The following TEF variants were observed in gnomAD, a reference collection of about 807,000 sequenced individuals.
TEF encodes the protein TEF transcription factor, PAR bZIP family member.
Under a neutral mutation model 20.8 loss-of-function variants are expected in TEF, and 3 were observed. The ratio of observed to expected loss-of-function variants is 0.14; its 90% confidence interval spans 0.07 to 0.37. The LOEUF (loss-of-function observed/expected upper bound fraction) is 0.37, where lower values mean the gene tolerates loss of function less well. Among genes scored for constraint, TEF ranks in the 10% least tolerant of loss-of-function variants. The pLI is 1.00. For synonymous variants in TEF, 180 were observed against 171.1 expected, an observed-to-expected ratio of 1.05 and a Z score of -0.41; for missense variants, 296 against 397.9, an observed-to-expected ratio of 0.74 and a Z score of 2.18.
chr22:41,383,446 A>G (rs1308570699), intron 1 of TEF, among the ~76,000 whole-genome samples: 1 of 152,196 alleles, frequency 6.6e-6, no homozygotes, highest in East Asian at 1.9e-4. Context: ...AACCATCCAT[A>G]ACAAGAATTC....
upstream of TEF, among the ~76,000 whole-genome samples, chr22:41,379,347 G>T (rs1430928791): frequency 1.4e-5 from 2 of 144,892 alleles, no homozygotes; most frequent in Non-Finnish European, 3.0e-5. Flanking sequence ...TCGGAAAAAA[G>T]AAAAAAAAAA....
chr22:41,389,055 A>G (rs2037134194), intron 2 of TEF, among the ~76,000 whole-genome samples: 1 of 152,184 alleles, frequency 6.6e-6, no homozygotes, highest in Admixed American at 6.5e-5. Flanking sequence ...TTTTACATCT[A>G]AAGTTGACAA....
chr22:41,396,123 T>C lies in TEF; in HGVS notation c.*163T>C, dbSNP rs1015411806. 1.2e-5 allele frequency: 9 copies of C among 727,152 alleles called. No homozygotes were observed. The highest frequency in any genetic ancestry group is 9.6e-5 in the South Asian group (5 of 52,190). 45.0% of individuals were successfully genotyped at this position (727,152 alleles called of 1,614,324 possible). A position where few individuals can be genotyped will look rare whatever the true frequency, so the allele number is the denominator to read the frequency against. On this transcript the variant is annotated 3_prime_UTR_variant, in exon 4 of 4. Coordinates refer to ENST00000266304, the MANE Select transcript of TEF (RefSeq NM_003216.4). ...GTCTCAGCTTCATTATACCATGGCCTGCGCACGTGGCGACGTCCCTGAGGG... is the reference window on the plus strand; with the variant it reads ...GTCTCAGCTTCATTATACCATGGCCCGCGCACGTGGCGACGTCCCTGAGGG...
intron 2 of TEF, among the ~76,000 whole-genome samples, chr22:41,393,340 C>CAAAAA (rs34533572): frequency 1.6e-5 from 2 of 127,744 alleles, no homozygotes; most frequent in East Asian, 4.8e-4. Context: ...GACCCTGTCT[C>CAAAAA]AAAAAAAAAA....
At chr22:41,367,618 T>C in intron 1 of TEF, 1 of 1,550,300 alleles carries the variant, frequency 6.5e-7, no homozygotes, top group East Asian at 2.4e-5. Flanking sequence ...ACAGGTGACC[T>C]GCATTGATTG....
At chr22:41,382,748 G>A (rs901819233) in intron 1 of TEF, among the ~76,000 whole-genome samples, 1 of 151,938 alleles carries the variant, frequency 6.6e-6, no homozygotes, top group Non-Finnish European at 1.5e-5. Flanking sequence ...GGTCCAACGG[G>A]AGCCTTTCTG....
At chr22:41,384,437 T>G (rs1395148650) in intron 1 of TEF, among the ~76,000 whole-genome samples, 1 of 152,196 alleles carries the variant, frequency 6.6e-6, no homozygotes, top group Non-Finnish European at 1.5e-5. Flanking sequence ...GAGCAGTCTT[T>G]CTTCTTCAAC....
chr22:41,391,428 C>T (rs187757934), intron 2 of TEF, among the ~76,000 whole-genome samples: 80 of 151,416 alleles, frequency 5.3e-4, no homozygotes, highest in African/African-American at 1.8e-3. Context: ...CGGGTTCAAG[C>T]GAGTCTCCTG....
chr22:41,370,068 T>C (rs2036863595), intron 1 of TEF: 17 of 985,034 alleles, frequency 1.7e-5, no homozygotes, highest in Admixed American at 6.2e-5. Context: ...CTCCCCATGC[T>C]CTCCGCTCCG....
Position 41,395,971 on chromosome 22 carries a change from C to T in TEF, c.*11C>T. On this transcript the variant is annotated 3_prime_UTR_variant, in exon 4 of 4. Coordinates refer to ENST00000266304, the MANE Select transcript of TEF (RefSeq NM_003216.4). Reference sequence around the variant, plus strand: ...TACGGGCCCTTGTAACCCGTGCCCCCCGCCCGGGCGGGGTACTGCCTGCAC... The same window carrying T: ...TACGGGCCCTTGTAACCCGTGCCCCTCGCCCGGGCGGGGTACTGCCTGCAC... The T allele has an allele frequency of 1.2e-6, 2 of 1,605,004 alleles. No individual in the cohort carries two copies. The highest frequency in any genetic ancestry group is 1.7e-6 in the Non-Finnish European group (2 of 1,172,674).
chr22:41,368,032 C>T (rs1326869569), intron 1 of TEF, among the ~76,000 whole-genome samples: 1 of 152,142 alleles, frequency 6.6e-6, no homozygotes, highest in Non-Finnish European at 1.5e-5. Context: ...GCGCCTGCTG[C>T]AGCTCCCGCT....
intron 1 of TEF, among the ~76,000 whole-genome samples, chr22:41,382,742 C>G (rs2145977985): frequency 6.6e-6 from 1 of 151,978 alleles, no homozygotes; most frequent in South Asian, 2.1e-4. Context: ...CTACTAGGTC[C>G]AACGGGAGCC....
intron 1 of TEF, among the ~76,000 whole-genome samples, chr22:41,376,438 G>A (rs1182341783): frequency 6.6e-6 from 1 of 152,228 alleles, no homozygotes; most frequent in Admixed American, 6.5e-5. Flanking sequence ...ATGTTGGCCA[G>A]GCTGGTCTTG....
chr22:41,376,662 C>A (rs1443021861), intron 1 of TEF, among the ~76,000 whole-genome samples: 1 of 152,170 alleles, frequency 6.6e-6, no homozygotes, highest in Non-Finnish European at 1.5e-5. Flanking sequence ...TCTAAACCCA[C>A]CCTCAGGCCC....
chr22:41,369,506 A>C (rs1240881505), intron 1 of TEF, among the ~76,000 whole-genome samples: 1 of 152,202 alleles, frequency 6.6e-6, no homozygotes, highest in Non-Finnish European at 1.5e-5. Flanking sequence ...CTGCTAGATA[A>C]AATGAGGGGA....
intron 1 of TEF, among the ~76,000 whole-genome samples, chr22:41,367,983 C>G (rs974308370): frequency 3.9e-5 from 6 of 152,148 alleles, no homozygotes; most frequent in African/African-American, 1.4e-4. Context: ...TGGATTTGGG[C>G]AGCAGGAGCC....
intron 1 of TEF, among the ~76,000 whole-genome samples, chr22:41,385,090 C>A (rs73176685): frequency 6.6e-6 from 1 of 151,960 alleles, no homozygotes; most frequent in Non-Finnish European, 1.5e-5. Flanking sequence ...CTGGCCAGGC[C>A]CTGTGGCTTA....
At chr22:41,382,338 G>A (rs1457958377) in intron 1 of TEF, 137 bp downstream of exon 1, 2 of 792,752 alleles carry the variant, frequency 2.5e-6, no homozygotes, top group Non-Finnish European at 3.4e-6. Flanking sequence ...GGATGACCAG[G>A]AGCCTGGAGG....
Position 41,382,204 on chromosome 22 carries a change from G to A in TEF, c.157+3G>A. ...CCCCCCGCGCGAGGCGCGCCTCGGTGAGGGCGGGGGGGTGGTCCGCGCGGG... is the reference window on the plus strand; with the variant it reads ...CCCCCCGCGCGAGGCGCGCCTCGGTAAGGGCGGGGGGGTGGTCCGCGCGGG... On this transcript the variant is annotated splice_donor_region_variant and intron_variant, in intron 1 of 3. Transcript: ENST00000266304. The A allele has an allele frequency of 8.1e-7, 1 of 1,231,918 alleles. No individual in the cohort carries two copies. The highest frequency in any genetic ancestry group is 1.0e-6 in the Non-Finnish European group (1 of 987,762). The allele number at this position is 1,231,918 out of a possible 1,614,324, so 76.3% of individuals were successfully genotyped here.
Sources: allele counts gnomAD v4.1 joint callset (sites outside exome capture counted in the v4.1 genomes callset), GRCh38; gene constraint gnomAD v4.1.1; transcripts MANE v1.5; gene names NCBI Gene and HGNC (gene_info 2026-07-23, HGNC 2026-07-21).